MGAT5: variants seen among roughly 807,000 people sequenced by gnomAD.
MGAT5 encodes alpha-1,6-mannosylglycoprotein 6-beta-N-acetylglucosaminyltransferase A.
MGAT5 carries 30 observed loss-of-function variants against 94.3 expected under a neutral mutation model. The ratio of observed to expected loss-of-function variants is 0.32; its 90% CI spans 0.24 to 0.43. MGAT5 has a LOEUF of 0.43. MGAT5 is among the 20% of genes least tolerant of loss of function. MGAT5 has a pLI of 1.00. For missense variants in MGAT5, 691 were observed against 905.5 expected (o/e 0.76, Z 3.04); for synonymous variants, 310 against 322.9 (o/e 0.96, Z 0.43).
At chr2:134,382,777 A>G (rs1350565200) in intron 10 of MGAT5, among the ~76,000 whole-genome samples, 1 of 152,214 alleles carries the variant, frequency 6.6e-6, no homozygotes, top group Non-Finnish European at 1.5e-5. Flanking sequence ...CCCACTGAAC[A>G]TTGGGGCGGC....
At chr2:134,315,246 A>G (rs1686931051) in intron 2 of MGAT5, among the ~76,000 whole-genome samples, 1 of 152,158 alleles carries the variant, frequency 6.6e-6, no homozygotes, top group Non-Finnish European at 1.5e-5. Context: ...TCTGTGGTGT[A>G]AAGGGGGTGG....
At chr2:134,249,259 C>A (rs111875128), upstream of MGAT5, among the ~76,000 whole-genome samples, 2 of 149,248 alleles carry the variant, frequency 1.3e-5, no homozygotes, top group African/African-American at 5.0e-5. Context: ...AGATATGATA[C>A]ACATATCATA....
At chr2:134,393,704 T>C (rs1008272950) in intron 10 of MGAT5, among the ~76,000 whole-genome samples, 1 of 152,158 alleles carries the variant, frequency 6.6e-6, no homozygotes, top group Non-Finnish European at 1.5e-5. Flanking sequence ...TCATATGATT[T>C]ATTATTTTAC....
At chr2:134,285,921 A>G (rs912911197) in intron 2 of MGAT5, among the ~76,000 whole-genome samples, 1 of 152,194 alleles carries the variant, frequency 6.6e-6, no homozygotes, top group Admixed American at 6.5e-5. Context: ...TTACTTTATA[A>G]GGACACTGCT....
intron 1 of MGAT5, among the ~76,000 whole-genome samples, chr2:134,198,378 G>C (rs1679602238): frequency 6.6e-6 from 1 of 152,214 alleles, no homozygotes; most frequent in African/African-American, 2.4e-5. Context: ...AGACTAGCAA[G>C]CAGCTTCAGA....
At chr2:134,240,975 C>T (rs1294114301) in intron 1 of MGAT5, among the ~76,000 whole-genome samples, 1 of 152,228 alleles carries the variant, frequency 6.6e-6, no homozygotes, top group Admixed American at 6.5e-5. Flanking sequence ...CACAACCTTC[C>T]TCCCTTCTGG....
rs770224440 is a variant in MGAT5 at position 134,254,671 on chromosome 2, A to G, written c.241+27A>G. 4.3e-6 allele frequency: 7 copies of G among 1,612,612 alleles called. No homozygotes were observed. The South Asian group carries it at 7.7e-5, about 18-fold the overall frequency. On this transcript the variant is annotated intron_variant, in intron 1 of 15. Coordinates refer to ENST00000281923, the MANE Select transcript of MGAT5 (RefSeq NM_002410.5). Reference sequence around the variant, plus strand: ...TAAGCACTGTTTCTGGGACCTCTCCATTAAAGTGTGCCTTGGCCTTGAAAT... The same window carrying G: ...TAAGCACTGTTTCTGGGACCTCTCCGTTAAAGTGTGCCTTGGCCTTGAAAT...
chr2:134,217,238 G>GTGTGT (rs1553495170), intron 1 of MGAT5, among the ~76,000 whole-genome samples: 130 of 145,222 alleles, frequency 9.0e-4, no homozygotes, highest in Non-Finnish European at 1.7e-3. Context: ...GAGAGAGAGT[G>GTGTGT]GTGTGTGTGT....
At position 134,237,148 on chromosome 2, in the gene MGAT5, T is replaced by TGTGTGTGTGTGTGTGTGTGC. The variant is rs374914892; in HGVS notation, c.-142-17113_-142-17112insTGTGTGTGTGTGTGTGTGCG. ...ATGTGTGTGTGTGTGTGTGTGTGTG[T>TGTGTGTGTGTGTGTGTGTGC]GCGCGTGTGTGTGAATTTTTACCCT... On this transcript the variant is annotated intron_variant, in intron 1 of 16. Coordinates refer to the MGAT5 transcript ENST00000409645. Among the ~76,000 whole-genome samples the TGTGTGTGTGTGTGTGTGTGC allele has an allele frequency of 1.5e-3, 212 of 140,820 alleles. 2 individuals are homozygous for TGTGTGTGTGTGTGTGTGTGC. In the East Asian group the frequency reaches 0.039, roughly 26 times the overall value. The allele number at this position is 140,820 out of a possible 152,430, so 92.4% of individuals were successfully genotyped here. A position where few individuals can be genotyped will look rare whatever the true frequency, so the allele number is the denominator to read the frequency against.
intron 1 of MGAT5, among the ~76,000 whole-genome samples, chr2:134,187,316 A>G (rs1248767410): frequency 1.3e-5 from 2 of 152,188 alleles, no homozygotes; most frequent in Non-Finnish European, 2.9e-5. Context: ...ATAGAAGCAG[A>G]TATCAGCTAG....
intron 1 of MGAT5, among the ~76,000 whole-genome samples, chr2:134,126,820 C>A (rs560819456): frequency 8.5e-5 from 13 of 152,232 alleles, no homozygotes; most frequent in Non-Finnish European, 1.5e-4. Context: ...ATTCTGTCTA[C>A]ACATTCAGTG....
At chr2:134,315,504 A>G (rs1686947905) in intron 2 of MGAT5, among the ~76,000 whole-genome samples, 2 of 152,216 alleles carry the variant, frequency 1.3e-5, no homozygotes, top group South Asian at 2.1e-4. Context: ...AGCTAGAAGG[A>G]GAGCCCCACC....
chr2:134,391,998 C>T (rs1682446414), intron 10 of MGAT5, among the ~76,000 whole-genome samples: 1 of 152,090 alleles, frequency 6.6e-6, no homozygotes, highest in Non-Finnish European at 1.5e-5. Flanking sequence ...CTCCCTTTTT[C>T]TTATAGACAC....
At chr2:134,431,089 AG>A (rs1319853304) in intron 14 of MGAT5, among the ~76,000 whole-genome samples, 2 of 152,112 alleles carry the variant, frequency 1.3e-5, no homozygotes, top group Non-Finnish European at 2.9e-5. Flanking sequence ...GAAGGCCTGG[AG>A]GGGGGAGAAA....
chr2:134,309,643 G>A (rs1686534761), intron 2 of MGAT5, among the ~76,000 whole-genome samples: 1 of 152,056 alleles, frequency 6.6e-6, no homozygotes, highest in Admixed American at 6.6e-5. Context: ...GTGCTCCTAG[G>A]TGTGTGAATA....
At chr2:134,171,409 T>C (rs1050747368) in intron 1 of MGAT5, among the ~76,000 whole-genome samples, 1 of 152,226 alleles carries the variant, frequency 6.6e-6, no homozygotes, top group Non-Finnish European at 1.5e-5. Flanking sequence ...TTTGGTTTAA[T>C]GCCTCCTGAG....
chr2:134,329,151 C>G (rs563284074), intron 4 of MGAT5, among the ~76,000 whole-genome samples: 5 of 152,042 alleles, frequency 3.3e-5, no homozygotes, highest in African/African-American at 1.2e-4. Flanking sequence ...TCTGGCAACC[C>G]CACTGAGGTA....
chr2:134,437,796 C>T (rs1355001203), intron 14 of MGAT5, among the ~76,000 whole-genome samples: 1 of 152,130 alleles, frequency 6.6e-6, no homozygotes, highest in Non-Finnish European at 1.5e-5. Context: ...AAGCGAATCC[C>T]CTGAGGCTAG....
At chr2:134,166,036 C>T (rs1449566351) in intron 1 of MGAT5, among the ~76,000 whole-genome samples, 3 of 152,146 alleles carry the variant, frequency 2.0e-5, no homozygotes, top group Non-Finnish European at 4.4e-5. Context: ...TCACTATAGG[C>T]ATTATTAAGG....
Sources: allele counts gnomAD v4.1 joint callset (sites outside exome capture counted in the v4.1 genomes callset), GRCh38; gene constraint gnomAD v4.1.1; transcripts MANE v1.5; gene names NCBI Gene and HGNC (gene_info 2026-07-23, HGNC 2026-07-21).